The following CSMD1 variants were observed in gnomAD, a reference collection of about 807,000 sequenced individuals.
CSMD1 encodes CUB and Sushi multiple domains 1.
Under a neutral mutation model 417.5 loss-of-function variants are expected in CSMD1, and 213 were observed. That is an observed-to-expected ratio of 0.51 (90% CI 0.46 to 0.57). CSMD1 has a LOEUF of 0.57. Ranked by LOEUF, CSMD1 falls within the 20% of genes least tolerant of loss-of-function variation. The pLI, the probability that CSMD1 is intolerant of heterozygous loss-of-function variation, is 0.00. For synonymous variants in CSMD1, 2,862 were observed against 1,736.8 expected (o/e 1.65, Z -16.11); for missense variants, 6,923 against 4,529.7 (o/e 1.53, Z -15.17).
chr8:4,417,062 G>T (rs1470462952), intron 3 of CSMD1, among the ~76,000 whole-genome samples: 1 of 151,830 alleles, frequency 6.6e-6, no homozygotes, highest in Non-Finnish European at 1.5e-5. Context: ...ACTGAATTAA[G>T]TTACTACCTT....
At chr8:4,206,520 C>A (rs909083333) in intron 3 of CSMD1, among the ~76,000 whole-genome samples, 8 of 152,120 alleles carry the variant, frequency 5.3e-5, no homozygotes, top group African/African-American at 1.7e-4. Context: ...TGAACTCATC[C>A]TTTTTTATGG....
chr8:4,780,930 A>G (rs1256195759), intron 1 of CSMD1, among the ~76,000 whole-genome samples: 2 of 152,218 alleles, frequency 1.3e-5, no homozygotes, highest in Non-Finnish European at 2.9e-5. Context: ...TTTTAAAAGC[A>G]TAAGTCTTTA....
intron 11 of CSMD1, among the ~76,000 whole-genome samples, chr8:3,473,959 A>T (rs56357035): frequency 0.13 from 20,233 of 152,122 alleles, 1,377 homozygotes; most frequent in East Asian, 0.21. Context: ...GGAAATGTCA[A>T]ACATAAAACC....
At chr8:4,889,396 C>T (rs1309357725) in intron 1 of CSMD1, among the ~76,000 whole-genome samples, 1 of 152,104 alleles carries the variant, frequency 6.6e-6, no homozygotes, top group East Asian at 1.9e-4. Flanking sequence ...CCACCAAATG[C>T]AGTGAGTAAG....
At chr8:3,310,080 G>C (rs1364988740) in intron 23 of CSMD1, among the ~76,000 whole-genome samples, 2 of 152,172 alleles carry the variant, frequency 1.3e-5, no homozygotes, top group African/African-American at 2.4e-5. Flanking sequence ...GCAAAACAAA[G>C]GGATATGCTA....
chr8:3,300,921 C>G (rs189687647), intron 25 of CSMD1, among the ~76,000 whole-genome samples: 7 of 138,420 alleles, frequency 5.1e-5, no homozygotes, highest in African/African-American at 1.6e-4. Flanking sequence ...ATTGCGCCAC[C>G]GCACTCCAGC....
intron 3 of CSMD1, among the ~76,000 whole-genome samples, chr8:4,211,576 G>C (rs542914084): frequency 1.3e-5 from 2 of 152,164 alleles, no homozygotes; most frequent in Admixed American, 1.3e-4. Context: ...TTAGATAGAA[G>C]TTTTGCTGAA....
chr8:3,240,248 G>A (rs1158270507), intron 26 of CSMD1, among the ~76,000 whole-genome samples: 1 of 152,120 alleles, frequency 6.6e-6, no homozygotes, highest in Non-Finnish European at 1.5e-5. Flanking sequence ...GACAGGGAGA[G>A]CTAGGATGGG....
At position 4,853,058 on chromosome 8, in the gene CSMD1, A is replaced by G. The variant is rs1176066317; in HGVS notation, c.85+141274T>C. 3.3e-5 allele frequency among the ~76,000 whole-genome samples: 5 copies of G among 152,252 alleles called. No homozygotes were observed. In the East Asian group the frequency reaches 9.6e-4, roughly 29 times the overall value. On this transcript the variant is annotated intron_variant, in intron 1 of 69. Coordinates refer to ENST00000635120, the MANE Select transcript of CSMD1 (RefSeq NM_033225.6). ...CTTATATTTAAAAGGGAAGCAGAGC[A>G]TAAACATTTGGAAAATTTGCAGCCT...
intron 12 of CSMD1, among the ~76,000 whole-genome samples, chr8:3,445,978 C>A (rs544557270): frequency 1.3e-5 from 2 of 152,090 alleles, no homozygotes; most frequent in African/African-American, 2.4e-5. Flanking sequence ...CTGGGCACAA[C>A]AGAGGGAGAA....
intron 23 of CSMD1, among the ~76,000 whole-genome samples, chr8:3,311,025 A>G (rs1453097567): frequency 6.6e-6 from 1 of 152,170 alleles, no homozygotes; most frequent in Non-Finnish European, 1.5e-5. Context: ...AACTTAACAA[A>G]TGAGGTTACG....
chr8:3,507,716 A>G (rs1170267765), intron 10 of CSMD1, among the ~76,000 whole-genome samples: 8 of 152,228 alleles, frequency 5.3e-5, no homozygotes, highest in South Asian at 2.1e-4. Flanking sequence ...ATGAGATGGT[A>G]TCTCACTGGG....
chr8:3,436,188 C>A (rs2117040096), intron 12 of CSMD1, among the ~76,000 whole-genome samples: 1 of 152,144 alleles, frequency 6.6e-6, no homozygotes, highest in East Asian at 1.9e-4. Context: ...GGCTAAGATA[C>A]CATCATTATA....
chr8:3,752,052 G>C (rs541694513), intron 6 of CSMD1, among the ~76,000 whole-genome samples: 2 of 152,210 alleles, frequency 1.3e-5, no homozygotes, highest in South Asian at 4.1e-4. Flanking sequence ...AGACCACATG[G>C]AGTCTTCCTC....
intron 37 of CSMD1, among the ~76,000 whole-genome samples, chr8:3,174,777 T>A (rs959910419): frequency 2.0e-5 from 3 of 152,198 alleles, no homozygotes; most frequent in African/African-American, 7.2e-5. Context: ...TCTCTTTGGT[T>A]GGGCTGCCTT....
intron 10 of CSMD1, among the ~76,000 whole-genome samples, chr8:3,561,557 T>A (rs1177068301): frequency 6.6e-6 from 1 of 152,122 alleles, no homozygotes; most frequent in African/African-American, 2.4e-5. Flanking sequence ...CGATTATAAA[T>A]GGGAACCAAA....
intron 3 of CSMD1, among the ~76,000 whole-genome samples, chr8:4,348,897 G>C (rs1800929209): frequency 6.6e-6 from 1 of 152,074 alleles, no homozygotes; most frequent in Non-Finnish European, 1.5e-5. Context: ...TGAGTCATAA[G>C]CCTTTCTCCC....
chr8:4,084,787 T>C (rs567328007), intron 3 of CSMD1, among the ~76,000 whole-genome samples: 4 of 143,552 alleles, frequency 2.8e-5, no homozygotes, highest in East Asian at 4.6e-4. Flanking sequence ...AGCATTTCCA[T>C]TCAAGTCCTG....
intron 8 of CSMD1, among the ~76,000 whole-genome samples, chr8:3,615,700 C>A (rs1169251164): frequency 1.3e-5 from 2 of 152,192 alleles, no homozygotes; most frequent in Non-Finnish European, 2.9e-5. Context: ...CTAATAGTAG[C>A]AGTACTTTTC....
Sources: gnomAD v4.1 joint callset for allele counts (sites outside exome capture counted in the v4.1 genomes callset) on GRCh38, gnomAD v4.1.1 for gene constraint, MANE v1.5 for transcripts, NCBI Gene and HGNC (gene_info 2026-07-23, HGNC 2026-07-21) for gene names.